C6orf89: variants seen among roughly 807,000 people sequenced by gnomAD.
The protein encoded by C6orf89 is bombesin receptor-activated protein C6orf89.
C6orf89 carries 29 observed loss-of-function variants against 40.7 expected under a neutral mutation model. That is an observed-to-expected ratio of 0.71 (90% confidence interval 0.53 to 0.97). C6orf89 has a LOEUF of 0.97. Ranked by LOEUF, C6orf89 falls within the 50% of genes least tolerant of loss-of-function variation. The pLI is 0.00. For missense variants in C6orf89, 392 were observed against 429.1 expected, an observed-to-expected ratio of 0.91 and a Z score of 0.76; for synonymous variants, 165 against 152.2, an observed-to-expected ratio of 1.08 and a Z score of -0.62.
intron 1 of C6orf89, among the ~76,000 whole-genome samples, 164 bp downstream of exon 1, chr6:36,886,192 C>A (rs1774980427): frequency 6.6e-6 from 1 of 152,234 alleles, no homozygotes; most frequent in African/African-American, 2.4e-5. Flanking sequence ...AGACTGACAG[C>A]ATCCCCTGGC....
At chr6:36,879,390 G>A (rs1037749228) in intron 2 of C6orf89, among the ~76,000 whole-genome samples, 2 of 152,052 alleles carry the variant, frequency 1.3e-5, no homozygotes, top group East Asian at 1.9e-4. Context: ...TTTATGATGC[G>A]GCTTGGCCCC....
chr6:36,923,458 CAGG>C lies in C6orf89; in HGVS notation c.*19_*21del. 6.3e-7 allele frequency: 1 copy of C among 1,592,906 alleles called. No individual in the cohort carries two copies. The highest frequency in any genetic ancestry group is 1.1e-5 in the South Asian group (1 of 90,638). ...GAACTGTAGGAAATAGAACTGTGCA[CAGG>C]AACAGCTTCCAGAGCCGAAAACCAG... is the stretch of plus-strand genomic sequence containing the variant. On this transcript the variant is annotated 3_prime_UTR_variant, in exon 9 of 9. Transcript: ENST00000480824.
intron 7 of C6orf89, among the ~76,000 whole-genome samples, chr6:36,918,776 C>G (rs6910317): frequency 6.6e-6 from 1 of 152,194 alleles, no homozygotes; most frequent in Non-Finnish European, 1.5e-5. Context: ...TATCCCTATT[C>G]CTTGCCCTGG....
intron 2 of C6orf89, among the ~76,000 whole-genome samples, chr6:36,896,986 T>C (rs1328600710): frequency 6.6e-6 from 1 of 151,614 alleles, no homozygotes; most frequent in Non-Finnish European, 1.5e-5. Context: ...AAAAATTTGC[T>C]GGGCGTGGTG....
At chr6:36,919,819 C>T in intron 8 of C6orf89, 118 bp downstream of exon 8, 1 of 1,070,480 alleles carries the variant, frequency 9.3e-7, no homozygotes, top group Non-Finnish European at 1.3e-6. Context: ...TCAAAAATAA[C>T]ATTCTCCTGT....
At chr6:36,908,353 A>G (rs73420338) in intron 4 of C6orf89, among the ~76,000 whole-genome samples, 2,014 of 152,254 alleles carry the variant, frequency 0.013, 52 homozygotes, top group African/African-American at 0.046. Context: ...TCAGCATTGA[A>G]TTCTCAGCTT....
intron 1 of C6orf89, among the ~76,000 whole-genome samples, chr6:36,894,219 C>A (rs897407353): frequency 1.3e-5 from 2 of 152,146 alleles, no homozygotes; most frequent in African/African-American, 4.8e-5. Context: ...GGGATACTTG[C>A]TTGTGACCCC....
Position 36,919,640 on chromosome 6 carries a change from T to C in C6orf89, c.888T>C (p.Pro296=), listed in dbSNP as rs976662526. ...GSGEAMLQLI[P]PFQCRRHCQS... Reference sequence around the variant, plus strand: ...GTGAGGCCATGTTGCAGCTCATCCCTCCCTTCCAGTGCCGAAGACATTGTC... The same window carrying C: ...GTGAGGCCATGTTGCAGCTCATCCCCCCCTTCCAGTGCCGAAGACATTGTC... Residue 296 remains proline (P), a synonymous_variant, in exon 8 of 9, where the codon CCT becomes CCC. Coordinates refer to ENST00000480824, the MANE Select transcript of C6orf89 (RefSeq NM_001286635.2). 3 of 1,613,984 alleles carry C rather than the reference T, an allele frequency of 1.9e-6. No homozygotes were observed. The Admixed American group carries it at 5.0e-5, about 27-fold the overall frequency.
At chr6:36,923,296 G>A (rs1438385408) in intron 8 of C6orf89, 51 bp from the exon 9 acceptor site, 2 of 1,447,386 alleles carry the variant, frequency 1.4e-6, no homozygotes, top group Non-Finnish European at 1.9e-6. Context: ...GCCCACAGGT[G>A]TGCCCACCCT....
At chr6:36,897,214 T>A (rs975040370) in intron 2 of C6orf89, among the ~76,000 whole-genome samples, 1 of 151,984 alleles carries the variant, frequency 6.6e-6, no homozygotes, top group Non-Finnish European at 1.5e-5. Context: ...CCTAGCATCA[T>A]GTATTGAAAA....
Position 36,914,409 on chromosome 6 carries a change from G to C in C6orf89, c.529G>C (p.Glu177Gln). ...MLLEDAPRKF[E>Q]RLHPLVIKTG... ...CCTGGAAGACGCCCCAAGGAAATTT[G>C]AGAGGCTCCATCCACTGGTGATCAA... Residue 177 changes from glutamate to glutamine, a missense_variant, in exon 5 of 9, where the codon GAG becomes CAG. Glu to Gln is a conservative substitution (Grantham distance 29). Transcript: ENST00000480824. 1.2e-6 allele frequency: 2 copies of C among 1,614,194 alleles called. No individual in the cohort carries two copies. The highest frequency in any genetic ancestry group is 1.7e-6 in the Non-Finnish European group (2 of 1,180,032).
chr6:36,912,454 C>T (rs1210070907), intron 4 of C6orf89, among the ~76,000 whole-genome samples: 1 of 152,138 alleles, frequency 6.6e-6, no homozygotes, highest in African/African-American at 2.4e-5. Flanking sequence ...TATGATTATG[C>T]CCCATGGTGT....
intron 1 of C6orf89, among the ~76,000 whole-genome samples, chr6:36,889,125 G>A (rs1384895733): frequency 6.6e-6 from 1 of 152,146 alleles, no homozygotes; most frequent in South Asian, 2.1e-4. Context: ...AGGATAACTG[G>A]TGGATACCAG....
rs1156824517 is a variant in C6orf89 at position 36,926,150 on chromosome 6, A to G, written c.*2709A>G. 1 of 152,240 alleles carries G rather than the reference A, an allele frequency of 6.6e-6. No individual in the cohort carries two copies. Among genetic ancestry groups the G allele is most frequent in the Non-Finnish European group, 1.5e-5 (1 of 68,040 alleles). 9.4% of individuals were successfully genotyped at this position (152,240 alleles called of 1,614,324 possible). On this transcript the variant is annotated 3_prime_UTR_variant, in exon 9 of 9. Transcript: ENST00000480824. ...AATGTCCTGAGCTCTCCAGCAGTCAAGTAGTGAATGGATACCATACTTATT... is the reference window on the plus strand; with the variant it reads ...AATGTCCTGAGCTCTCCAGCAGTCAGGTAGTGAATGGATACCATACTTATT...
At chr6:36,884,826 C>T (rs575316427), upstream of C6orf89, among the ~76,000 whole-genome samples, 11 of 152,284 alleles carry the variant, frequency 7.2e-5, no homozygotes, top group East Asian at 2.1e-3. This position sits in a 1 kb window ranked among gnomAD's most constrained non-coding sequence, Gnocchi z 4.0. Context: ...CAAACCAAGG[C>T]TTTAAAAAAA....
rs191284144 is a variant in C6orf89 at position 36,871,893 on chromosome 6, A to T, written c.-702A>T. 1.9e-6 allele frequency: 3 copies of T among 1,551,532 alleles called. No homozygotes were observed. The East Asian group carries it at 7.2e-5, about 37-fold the overall frequency. ...CCATGCTGCAGAGGGAGAGGACAACAGCTCCAGTAAACAAAAAGGTCAGGG... is the reference window on the plus strand; with the variant it reads ...CCATGCTGCAGAGGGAGAGGACAACTGCTCCAGTAAACAAAAAGGTCAGGG... On this transcript the variant is annotated 5_prime_UTR_variant, in exon 1 of 10. Coordinates refer to the C6orf89 transcript ENST00000359359.
rs1281694794 is a variant in C6orf89 at position 36,927,856 on chromosome 6, A to G, written c.*4415A>G. 1 of 152,292 alleles carries G rather than the reference A, an allele frequency of 6.6e-6. No individual in the cohort carries two copies. The highest frequency in any genetic ancestry group is 1.9e-4 in the East Asian group (1 of 5,198). 9.4% of individuals were successfully genotyped at this position (152,292 alleles called of 1,614,324 possible). A position where few individuals can be genotyped will look rare whatever the true frequency, so the allele number is the denominator to read the frequency against. ...CCTGTCCTCCCCACCCCCAGTCTCC[A>G]CATCCCCAGCAGCCTCTTCCAGAAG... On this transcript the variant is annotated 3_prime_UTR_variant, in exon 9 of 9. Transcript: ENST00000480824.
chr6:36,874,580 G>A (rs960740108), intron 1 of C6orf89: 1 of 1,201,122 alleles, frequency 8.3e-7, no homozygotes. Flanking sequence ...AACCCTCTGG[G>A]GGCCGTCTCG....
rs1762633973 is a variant in C6orf89, at chr6:36,925,034, T to C, written c.*1593T>C. The C allele has an allele frequency of 6.6e-6, 1 of 151,146 alleles. No homozygotes were observed. Among genetic ancestry groups the C allele is most frequent in the South Asian group, 2.1e-4 (1 of 4,804 alleles). 9.4% of individuals were successfully genotyped at this position (151,146 alleles called of 1,614,324 possible). On this transcript the variant is annotated 3_prime_UTR_variant, in exon 9 of 9. Transcript: ENST00000480824. Reference sequence around the variant, plus strand: ...TCAGAGCCTCCTCCACGGGCTTCAGTGAAACTCCGATGAACTGTACCTGAG... The same window carrying C: ...TCAGAGCCTCCTCCACGGGCTTCAGCGAAACTCCGATGAACTGTACCTGAG...
Sources: allele counts gnomAD v4.1 joint callset (sites outside exome capture counted in the v4.1 genomes callset), GRCh38; gene constraint gnomAD v4.1.1; non-coding constraint Gnocchi (gnomAD v3.1); transcripts MANE v1.5; gene names NCBI Gene and HGNC (gene_info 2026-07-23, HGNC 2026-07-21).